LRRC49: variants seen among roughly 807,000 people sequenced by gnomAD.
LRRC49 encodes the protein leucine rich repeat containing 49.
LRRC49 carries 50 observed loss-of-function variants against 83.3 expected under a neutral mutation model. That is an observed-to-expected ratio of 0.60 (90% CI 0.48 to 0.76). The LOEUF (loss-of-function observed/expected upper bound fraction) is 0.76, where lower values mean the gene tolerates loss of function less well. Among genes scored for constraint, LRRC49 ranks in the 30% least tolerant of loss-of-function variants. The pLI is 0.00. For missense variants in LRRC49, 704 were observed against 809.1 expected, an observed-to-expected ratio of 0.87 and a Z score of 1.58; for synonymous variants, 286 against 283.3, an observed-to-expected ratio of 1.01 and a Z score of -0.10.
intron 2 of LRRC49, among the ~76,000 whole-genome samples, chr15:70,878,309 T>C (rs1463230958): frequency 2.6e-5 from 4 of 152,230 alleles, no homozygotes; most frequent in Non-Finnish European, 5.9e-5. Context: ...TTGGTTCTAG[T>C]AGCTTTTTAA....
rs527848689 is a variant in LRRC49 at position 71,033,022 on chromosome 15, CA to C, written c.1704-4155del. 4.6e-5 allele frequency among the ~76,000 whole-genome samples: 7 copies of C among 152,164 alleles called. No homozygotes were observed. The South Asian group carries it at 1.5e-3, about 32-fold the overall frequency. ...GGAAGTTCTGGCCAGGGCAATCAGG[CA>C]AGAGAAAGAAATAAAGCGTATTCAA... On this transcript the variant is annotated intron_variant, in intron 14 of 15. Coordinates refer to ENST00000260382, the MANE Select transcript of LRRC49 (RefSeq NM_017691.5).
chr15:70,917,240 A>G (rs1204257547), intron 6 of LRRC49, among the ~76,000 whole-genome samples: 2 of 152,222 alleles, frequency 1.3e-5, no homozygotes, highest in Non-Finnish European at 2.9e-5. Context: ...GGAAGCAGAC[A>G]GTTGCCTGAG....
intron 1 of LRRC49, among the ~76,000 whole-genome samples, chr15:70,862,153 G>T (rs1253889386): frequency 1.3e-5 from 2 of 152,158 alleles, no homozygotes; most frequent in East Asian, 1.9e-4. Context: ...AGCCCACCCT[G>T]GTCCTCCATT....
chr15:71,000,105 G>C (rs901655738), intron 11 of LRRC49, among the ~76,000 whole-genome samples: 2 of 152,230 alleles, frequency 1.3e-5, no homozygotes, highest in Non-Finnish European at 2.9e-5. Context: ...GGTAAGTTAA[G>C]ATGCTTCAGA....
intron 8 of LRRC49, among the ~76,000 whole-genome samples, chr15:70,941,858 T>C: frequency 6.6e-6 from 1 of 152,174 alleles, no homozygotes; most frequent in East Asian, 1.9e-4. Flanking sequence ...AAAATTGTAA[T>C]CGTTTTCTAT....
intron 6 of LRRC49, among the ~76,000 whole-genome samples, chr15:70,913,958 C>T (rs887476927): frequency 4.0e-5 from 6 of 151,742 alleles, no homozygotes; most frequent in African/African-American, 1.5e-4. Flanking sequence ...GTTAGCTGAC[C>T]TGTGTTATAT....
At chr15:71,030,140 T>C (rs780688474) in intron 14 of LRRC49, among the ~76,000 whole-genome samples, 2 of 152,208 alleles carry the variant, frequency 1.3e-5, no homozygotes, top group African/African-American at 2.4e-5. Context: ...TTTGGTATGT[T>C]TTTGCAGTGG....
chr15:71,024,355 C>A, intron 14 of LRRC49, among the ~76,000 whole-genome samples: 1 of 152,202 alleles, frequency 6.6e-6, no homozygotes, highest in East Asian at 1.9e-4. Flanking sequence ...GGAGCATTCC[C>A]ACTGGCATCA....
Position 70,939,434 on chromosome 15 carries a change from T to C in LRRC49, c.773+2612T>C, listed in dbSNP as rs1330337292. On this transcript the variant is annotated intron_variant, in intron 8 of 15. Transcript: ENST00000260382. Reference sequence around the variant, plus strand: ...ACTAGGTCATTTAGTCTGTGTTTAATGTGTGGACCTGTGAGGTTTAAAGCC... The same window carrying C: ...ACTAGGTCATTTAGTCTGTGTTTAACGTGTGGACCTGTGAGGTTTAAAGCC... Among the ~76,000 whole-genome samples the C allele has an allele frequency of 5.3e-5, 8 of 152,200 alleles. No homozygotes were observed. In the South Asian group the frequency reaches 1.4e-3, roughly 28 times the overall value.
intron 7 of LRRC49, among the ~76,000 whole-genome samples, chr15:70,924,925 TG>T (rs1288452556): frequency 1.3e-5 from 2 of 152,066 alleles, no homozygotes; most frequent in African/African-American, 4.8e-5. Flanking sequence ...TACTATCATT[TG>T]TGTGTGTCTA....
At chr15:70,996,702 G>A (rs1441251) in intron 11 of LRRC49, among the ~76,000 whole-genome samples, 117,414 of 152,042 alleles carry the variant, frequency 0.77, 46,433 homozygotes, top group East Asian at 0.85. Flanking sequence ...CTAAATCTCT[G>A]TTTTTTTGTT....
At chr15:70,950,914 C>T (rs928776077) in intron 8 of LRRC49, among the ~76,000 whole-genome samples, 1 of 152,104 alleles carries the variant, frequency 6.6e-6, no homozygotes, top group African/African-American at 2.4e-5. Context: ...AGTCTTTAAT[C>T]CATGTTGAGT....
At chr15:70,980,501 A>G (rs1357698169) in intron 10 of LRRC49, among the ~76,000 whole-genome samples, 5 of 151,290 alleles carry the variant, frequency 3.3e-5, no homozygotes, top group Admixed American at 6.6e-5. Flanking sequence ...CCCATGGCCT[A>G]TTCACTTCCT....
In LRRC49 at chr15:70,919,341, C is replaced by T; in HGVS notation, c.711+148C>T. ...AAATTGTGGATGTAATTATTAAGCT[C>T]TGTAATATGTTGGTTTGGGAGGTAT... On this transcript the variant is annotated intron_variant, in intron 7 of 15. Coordinates refer to ENST00000260382, the MANE Select transcript of LRRC49 (RefSeq NM_017691.5). The T allele has an allele frequency of 4.3e-6, 3 of 700,762 alleles. No individual in the cohort carries two copies. In the South Asian group the frequency reaches 7.0e-5, roughly 16 times the overall value. 43.4% of individuals were successfully genotyped at this position (700,762 alleles called of 1,614,324 possible).
At chr15:71,031,984 G>A (rs891367747) in intron 14 of LRRC49, among the ~76,000 whole-genome samples, 1 of 152,156 alleles carries the variant, frequency 6.6e-6, no homozygotes, top group African/African-American at 2.4e-5. Flanking sequence ...GCTTCAGACC[G>A]CTTTCCAGGG....
At chr15:70,859,964 G>A (rs1231556700) in intron 1 of LRRC49, 12 of 762,660 alleles carry the variant, frequency 1.6e-5, no homozygotes, top group African/African-American at 3.4e-5. Flanking sequence ...GACCACCAGC[G>A]GCTATGCAGG....
chr15:70,938,674 A>G (rs1392526861), intron 8 of LRRC49, among the ~76,000 whole-genome samples: 1 of 152,202 alleles, frequency 6.6e-6, no homozygotes, highest in Non-Finnish European at 1.5e-5. Context: ...TAGCTACAGT[A>G]TATATTCAGG....
Position 71,049,804 on chromosome 15 carries a change from T to G in LRRC49, c.*192T>G. On this transcript the variant is annotated 3_prime_UTR_variant, in exon 16 of 16. Transcript: ENST00000260382. ...AAGGAAAGCAGGAGAAAGGAAGGAT[T>G]AATTGCCTGTATGTGAGGACCAAAC... 1 of 533,464 alleles carries G rather than the reference T, an allele frequency of 1.9e-6. No homozygotes were observed. The highest frequency in any genetic ancestry group is 3.3e-6 in the Non-Finnish European group (1 of 304,730). 33.0% of individuals were successfully genotyped at this position (533,464 alleles called of 1,614,324 possible). A position where few individuals can be genotyped will look rare whatever the true frequency, so the allele number is the denominator to read the frequency against.
chr15:70,870,914 T>A (rs1284708682), intron 1 of LRRC49, among the ~76,000 whole-genome samples: 2 of 152,090 alleles, frequency 1.3e-5, no homozygotes, highest in African/African-American at 4.8e-5. Context: ...TGCAAGATAT[T>A]TGAGGGCAGG....
Sources: gnomAD v4.1 joint callset for allele counts (sites outside exome capture counted in the v4.1 genomes callset) on GRCh38, gnomAD v4.1.1 for gene constraint, MANE v1.5 for transcripts, NCBI Gene and HGNC (gene_info 2026-07-23, HGNC 2026-07-21) for gene names.